The following KIF16B variants were observed in gnomAD, a reference collection of about 807,000 sequenced individuals.
KIF16B encodes kinesin-like protein KIF16B.
In KIF16B, 98 loss-of-function variants were observed where a neutral mutation model predicts 156.3. The observed-to-expected ratio is 0.63, with a 90% confidence interval of 0.53 to 0.74. The LOEUF is 0.74. Ranked by LOEUF, KIF16B falls within the 30% of genes least tolerant of loss-of-function variation. The pLI is 0.00. For synonymous variants in KIF16B, 564 were observed against 583.7 expected (o/e 0.97, Z 0.49); for missense variants, 1,421 against 1,606.5 (o/e 0.88, Z 1.97).
At position 16,552,174 on chromosome 20, in the gene KIF16B, GCT is replaced by G. The variant is rs1267107541; in HGVS notation, c.47+21053_47+21054del. Among the ~76,000 whole-genome samples the G allele has an allele frequency of 2.6e-5, 4 of 152,126 alleles. No individual in the cohort carries two copies. The East Asian group carries it at 5.8e-4, about 22-fold the overall frequency. On this transcript the variant is annotated intron_variant, in intron 1 of 25. Coordinates refer to ENST00000354981, the MANE Select transcript of KIF16B (RefSeq NM_024704.5). ...CTCTGAGTCCCCCTTAGGTTTCATG[GCT>G]CTGTCTGCATTTTCAAAGCTTGACA... is the stretch of plus-strand genomic sequence containing the variant.
chr20:16,369,026 C>A (rs2328020), intron 22 of KIF16B: 608,913 of 985,512 alleles, frequency 0.62, 190,748 homozygotes, highest in East Asian at 0.97. Context: ...TCAGGATGAC[C>A]ATATTTGTTT....
intron 4 of KIF16B, among the ~76,000 whole-genome samples, chr20:16,514,334 G>T (rs536620687): frequency 6.6e-6 from 1 of 152,166 alleles, no homozygotes; most frequent in African/African-American, 2.4e-5. Context: ...TTCCCGAACA[G>T]CACTTACTGA....
At chr20:16,426,864 A>G (rs139486104) in intron 15 of KIF16B, among the ~76,000 whole-genome samples, 458 of 152,242 alleles carry the variant, frequency 3.0e-3, no homozygotes, top group African/African-American at 0.01. Flanking sequence ...TCTCATCTCC[A>G]TAACAACAAC....
In KIF16B at chr20:16,371,758, G is replaced by A; in HGVS notation, c.3354C>T (p.Ile1118=). The A allele has an allele frequency of 3.1e-6, 5 of 1,609,848 alleles. No homozygotes were observed. Among genetic ancestry groups the A allele is most frequent in the Non-Finnish European group, 3.4e-6 (4 of 1,176,300 alleles). Residue 1118 remains isoleucine, a synonymous_variant, in exon 21 of 26, where the codon ATC becomes ATT. Transcript: ENST00000354981. ...SHLVPLMDAR[I]NAYIEEEVQR... is the part of the protein sequence containing the mutation. ...GGACTTCTTCTTCAATGTAAGCATT[G>A]ATCCTGTAACACAATGGAGATGGAG...
In KIF16B at chr20:16,273,329, G is replaced by A. The variant is rs760801454; in HGVS notation, c.3878C>T (p.Ser1293Leu). ...TGAAAACTCACAAATGGTATGTTTCGAGAGAGTCAGTCCCACTTTGTTGAT... is the reference window on the plus strand; with the variant it reads ...TGAAAACTCACAAATGGTATGTTTCAAGAGAGTCAGTCCCACTTTGTTGAT... ...LHINKVGLTLSKHTICEFSPF... is the reference protein window; with the variant it reads ...LHINKVGLTLLKHTICEFSPF... The change falls in exon 26 of 26, where the codon TCG (serine) becomes TTG (leucine). Residue 1293 changes from serine to leucine, a missense_variant. Ser to Leu is a moderately radical substitution (Grantham distance 145). Coordinates refer to ENST00000354981, the MANE Select transcript of KIF16B (RefSeq NM_024704.5). 8.1e-6 allele frequency: 13 copies of A among 1,613,542 alleles called. No individual in the cohort carries two copies. The South Asian group carries it at 8.8e-5, about 11-fold the overall frequency.
rs1221538969 is a variant in KIF16B at position 16,327,051 on chromosome 20, A to G, written c.3711+8875T>C. ...TATATACACACACACATATATATGT[A>G]TGTATATGTATACATGTACACACAC... On this transcript the variant is annotated intron_variant, in intron 24 of 25. Transcript: ENST00000354981. Among the ~76,000 whole-genome samples the G allele has an allele frequency of 3.0e-5, 4 of 133,348 alleles. No homozygotes were observed. The Admixed American group carries it at 3.2e-4, about 11-fold the overall frequency. 87.5% of individuals were successfully genotyped at this position (133,348 alleles called of 152,430 possible).
chr20:16,483,727 T>A (rs1176115077), intron 12 of KIF16B, among the ~76,000 whole-genome samples: 1 of 152,022 alleles, frequency 6.6e-6, no homozygotes, highest in Admixed American at 6.5e-5. Flanking sequence ...AAATCATAAA[T>A]TATTGATCCA....
intron 1 of KIF16B, among the ~76,000 whole-genome samples, chr20:16,564,530 G>A (rs1248146762): frequency 6.6e-6 from 1 of 152,022 alleles, no homozygotes; most frequent in African/African-American, 2.4e-5. Context: ...GGGGAGAGGG[G>A]AGGGATAGCA....
intron 1 of KIF16B, among the ~76,000 whole-genome samples, chr20:16,530,710 G>T (rs896730633): frequency 7.3e-5 from 11 of 151,688 alleles, no homozygotes; most frequent in African/African-American, 9.7e-5. Flanking sequence ...TTGTTGTTTG[G>T]TTTTTTTTGA....
intron 4 of KIF16B, among the ~76,000 whole-genome samples, chr20:16,514,582 G>GAAAAAAAAAAAAA (rs540602451): frequency 1.3e-5 from 1 of 76,948 alleles, no homozygotes; most frequent in Non-Finnish European, 2.5e-5. Flanking sequence ...TAAGAAATAA[G>GAAAAAAAAAAAAA]AAAAAAAAAA....
chr20:16,374,512 C>G (rs945689670), intron 19 of KIF16B, 103 bp from the exon 20 acceptor site: 84 of 1,093,586 alleles, frequency 7.7e-5, no homozygotes, highest in Non-Finnish European at 9.8e-5. Flanking sequence ...CAAGATCTGT[C>G]CTCTGTGTGC....
intron 20 of KIF16B, among the ~76,000 whole-genome samples, chr20:16,373,029 T>C (rs2064861378): frequency 1.3e-5 from 2 of 152,220 alleles, no homozygotes; most frequent in Admixed American, 6.5e-5. Flanking sequence ...ATGGTTTCCA[T>C]GTTTATATCT....
intron 1 of KIF16B, 58 bp downstream of exon 1, chr20:16,573,171 C>G: frequency 6.7e-7 from 1 of 1,486,456 alleles, no homozygotes; most frequent in Non-Finnish European, 9.2e-7. Context: ...GAGCTGGAAA[C>G]AGGCTTCCTC....
chr20:16,479,826 T>G (rs912299451), intron 12 of KIF16B, among the ~76,000 whole-genome samples: 1 of 152,240 alleles, frequency 6.6e-6, no homozygotes, highest in Non-Finnish European at 1.5e-5. Flanking sequence ...CACTCTATGA[T>G]GTTTGCACAA....
chr20:16,294,454 G>C (rs991866668), intron 25 of KIF16B, among the ~76,000 whole-genome samples: 2 of 152,194 alleles, frequency 1.3e-5, no homozygotes, highest in African/African-American at 4.8e-5. Context: ...CCCACTGTGG[G>C]TGACTCAGTC....
intron 1 of KIF16B, among the ~76,000 whole-genome samples, chr20:16,538,894 A>G (rs2070084101): frequency 6.6e-6 from 1 of 152,010 alleles, no homozygotes; most frequent in Admixed American, 6.6e-5. Flanking sequence ...CTGGCTGTTT[A>G]AAAGTACATG....
At chr20:16,426,331 C>A (rs909038474) in intron 15 of KIF16B, among the ~76,000 whole-genome samples, 1 of 152,082 alleles carries the variant, frequency 6.6e-6, no homozygotes, top group Non-Finnish European at 1.5e-5. Flanking sequence ...GGACATTCTA[C>A]AACATATCTG....
At chr20:16,533,615 T>C (rs879635965) in intron 1 of KIF16B, among the ~76,000 whole-genome samples, 5 of 152,234 alleles carry the variant, frequency 3.3e-5, no homozygotes, top group Non-Finnish European at 5.9e-5. Context: ...CAGCTAATAC[T>C]GTCTCCATTC....
At position 16,300,764 on chromosome 20, in the gene KIF16B, G is replaced by C. The variant is rs891310472; in HGVS notation, c.3795+11571C>G. ...GAACACTTTACCCCCCAAATATGCA[G>C]AGCCTCCCCCGCTATCAAAATCCCA... On this transcript the variant is annotated intron_variant, in intron 25 of 25. Coordinates refer to ENST00000354981, the MANE Select transcript of KIF16B (RefSeq NM_024704.5). Among the ~76,000 whole-genome samples the C allele has an allele frequency of 3.3e-5, 5 of 152,034 alleles. No homozygotes were observed. The East Asian group carries it at 9.6e-4, about 29-fold the overall frequency.
Sources: gnomAD v4.1 joint callset for allele counts (sites outside exome capture counted in the v4.1 genomes callset) on GRCh38, gnomAD v4.1.1 for gene constraint, MANE v1.5 for transcripts, NCBI Gene and HGNC (gene_info 2026-07-23, HGNC 2026-07-21) for gene names.